Variants in GPR65 observed in about 807,000 individuals in gnomAD.
GPR65 encodes T-cell death-associated gene 8 protein.
GPR65 carries 2 observed loss-of-function variants against 0.7 expected under a neutral mutation model. That is an observed-to-expected ratio of 2.83 (90% CI 1.16 to 8.92). The LOEUF is 8.92. Ranked by LOEUF, GPR65 falls within the 30% of genes most tolerant of loss-of-function variation. GPR65 has a pLI of 0.04. For missense variants in GPR65, 379 were observed against 399.4 expected (o/e 0.95, Z 0.43); for synonymous variants, 128 against 146.5 (o/e 0.87, Z 0.91).
At position 88,010,578 on chromosome 14, in the gene GPR65, G is replaced by C. The variant is rs1377715242; in HGVS notation, c.-270G>C. On this transcript the variant is annotated 5_prime_UTR_variant, in exon 2 of 2. Coordinates refer to ENST00000267549, the MANE Select transcript of GPR65 (RefSeq NM_003608.4). ...AGCGTTCTGTGATAATGAACACATG[G>C]ACTTCTGTTTATTAAATTCAGTTGA... 5 of 376,364 alleles carry C rather than the reference G, an allele frequency of 1.3e-5. No homozygotes were observed. The highest frequency in any genetic ancestry group is 2.4e-5 in the Non-Finnish European group (5 of 207,094). The allele number at this position is 376,364 out of a possible 1,614,324, so 23.3% of individuals were successfully genotyped here. A position where few individuals can be genotyped will look rare whatever the true frequency, so the allele number is the denominator to read the frequency against.
intron 1 of GPR65, among the ~76,000 whole-genome samples, chr14:88,008,302 C>T (rs1271479777): frequency 6.6e-6 from 1 of 152,196 alleles, no homozygotes; most frequent in African/African-American, 2.4e-5. Context: ...AGAAGTCCTC[C>T]TCATGCCCTC....
chr14:88,007,861 C>A (rs765870324), intron 1 of GPR65, among the ~76,000 whole-genome samples: 3 of 150,826 alleles, frequency 2.0e-5, no homozygotes, highest in African/African-American at 4.9e-5. Context: ...CTGTAGGATT[C>A]TTTGAGGCCT....
In GPR65 at chr14:88,011,651, T is replaced by C; in HGVS notation, c.804T>C (p.Thr268=). Residue 268 remains threonine, a synonymous_variant, in exon 2 of 2, where the codon ACT becomes ACC. Transcript: ENST00000267549. ...FEDHSNSGKR[T]YTMYRITVAL... is the part of the protein sequence containing the mutation. Reference sequence around the variant, plus strand: ...ACCACAGCAATTCTGGGAAGCGAACTTACACAATGTATAGAATCACGGTTG... The same window carrying C: ...ACCACAGCAATTCTGGGAAGCGAACCTACACAATGTATAGAATCACGGTTG... The C allele has an allele frequency of 6.2e-7, 1 of 1,613,858 alleles. No individual in the cohort carries two copies. The highest frequency in any genetic ancestry group is 8.5e-7 in the Non-Finnish European group (1 of 1,179,762).
chr14:88,007,392 C>A (rs1013059691), intron 1 of GPR65, among the ~76,000 whole-genome samples: 1 of 151,894 alleles, frequency 6.6e-6, no homozygotes, highest in Non-Finnish European at 1.5e-5. Context: ...CCACCCTTTT[C>A]ACCTTTTCTC....
chr14:88,006,246 G>A (rs1287366503), intron 1 of GPR65, among the ~76,000 whole-genome samples: 3 of 152,112 alleles, frequency 2.0e-5, no homozygotes, highest in African/African-American at 7.2e-5. Context: ...AATATTACCA[G>A]CTAACGTACA....
At position 88,011,387 on chromosome 14, in the gene GPR65, A is replaced by G; in HGVS notation, c.540A>G (p.Gln180=). The change falls in exon 2 of 2, where the codon CAA becomes CAG. Residue 180 remains glutamine, a synonymous_variant. Transcript: ENST00000267549. The part of the protein sequence containing the change: ...CYDKYPLEKW[Q]INLNLFRTCT... ...ACAAATACCCTTTAGAGAAATGGCA[A>G]ATCAACCTCAACTTGTTCAGGACGT... 6.2e-7 allele frequency: 1 copy of G among 1,614,108 alleles called. No individual in the cohort carries two copies.
rs1276116220 is a variant in GPR65 at position 88,012,434 on chromosome 14, A to C, written c.*573A>C. 4 of 152,344 alleles carry C rather than the reference A, an allele frequency of 2.6e-5. No homozygotes were observed. The highest frequency in any genetic ancestry group is 9.6e-5 in the African/African-American group (4 of 41,574). The allele number at this position is 152,344 out of a possible 1,614,324, so 9.4% of individuals were successfully genotyped here. A position where few individuals can be genotyped will look rare whatever the true frequency, so the allele number is the denominator to read the frequency against. ...TTTTTGTATATTCACAGAGCTGTGC[A>C]ACCATCACCACACTCAAAAAATTTT... On this transcript the variant is annotated 3_prime_UTR_variant, in exon 2 of 2. Coordinates refer to ENST00000267549, the MANE Select transcript of GPR65 (RefSeq NM_003608.4).
rs1887684630 is a variant in GPR65 at position 88,011,707 on chromosome 14, C to A, written c.860C>A (p.Pro287Gln). The change falls in exon 2 of 2, where the codon CCA becomes CAA. Residue 287 changes from proline to glutamine, a missense_variant. Pro to Gln is a moderately conservative substitution (Grantham distance 76, BLOSUM62 -1). Coordinates refer to ENST00000267549, the MANE Select transcript of GPR65 (RefSeq NM_003608.4). ...ALTSLNCVAD[P>Q]ILYCFVTETG... ...ACAAGTTTAAATTGTGTTGCTGATC[C>A]AATTCTGTACTGTTTTGTAACCGAA... 1 of 1,613,716 alleles carries A rather than the reference C, an allele frequency of 6.2e-7. No homozygotes were observed. Among genetic ancestry groups the A allele is most frequent in the Non-Finnish European group, 8.5e-7 (1 of 1,179,732 alleles).
chr14:88,010,682 C>G lies in GPR65; in HGVS notation c.-166C>G. The G allele has an allele frequency of 1.7e-6, 1 of 586,616 alleles. No individual in the cohort carries two copies. The highest frequency in any genetic ancestry group is 4.5e-4 in the Middle Eastern group (1 of 2,224). 36.3% of individuals were successfully genotyped at this position (586,616 alleles called of 1,614,324 possible). A position where few individuals can be genotyped will look rare whatever the true frequency, so the allele number is the denominator to read the frequency against. ...TGTGTAAAAATTGATCTACATCCACCCTTTAAAAGCATTGATGAATTAATT... is the reference window on the plus strand; with the variant it reads ...TGTGTAAAAATTGATCTACATCCACGCTTTAAAAGCATTGATGAATTAATT... On this transcript the variant is annotated 5_prime_UTR_variant, in exon 2 of 2. Transcript: ENST00000267549.
intron 1 of GPR65, among the ~76,000 whole-genome samples, chr14:88,009,710 C>T (rs570911009): frequency 1.1e-4 from 17 of 152,248 alleles, no homozygotes; most frequent in Non-Finnish European, 1.3e-4. Context: ...AGACACTAAC[C>T]TCTTAAACCA....
intron 1 of GPR65, among the ~76,000 whole-genome samples, chr14:88,007,765 T>C (rs537789844): frequency 6.8e-6 from 1 of 147,202 alleles, no homozygotes; most frequent in Non-Finnish European, 1.5e-5. Flanking sequence ...ATCTGACACG[T>C]AGTTGCTTAT....
In GPR65 at chr14:88,012,984, C is replaced by T. The variant is rs1469274026; in HGVS notation, c.*1123C>T. The T allele has an allele frequency of 1.3e-5, 2 of 150,548 alleles. No homozygotes were observed. The highest frequency in any genetic ancestry group is 1.3e-4 in the Admixed American group (2 of 15,114). The allele number at this position is 150,548 out of a possible 1,614,324, so 9.3% of individuals were successfully genotyped here. ...AATTACCAGAAGTTTAATGCATAGA[C>T]AAATAAATAGTTCTATTATATCTTT... On this transcript the variant is annotated 3_prime_UTR_variant, in exon 2 of 2. Coordinates refer to ENST00000267549, the MANE Select transcript of GPR65 (RefSeq NM_003608.4).
chr14:88,010,778 C>A lies in GPR65; in HGVS notation c.-70C>A. On this transcript the variant is annotated 5_prime_UTR_variant, in exon 2 of 2. Coordinates refer to ENST00000267549, the MANE Select transcript of GPR65 (RefSeq NM_003608.4). Reference sequence around the variant, plus strand: ...AAGCGAATTCGATGTTCAAAACAAACTACAAAGAGACAAGACTTCTCTGTT... The same window carrying A: ...AAGCGAATTCGATGTTCAAAACAAAATACAAAGAGACAAGACTTCTCTGTT... 1 of 1,061,250 alleles carries A rather than the reference C, an allele frequency of 9.4e-7. No individual in the cohort carries two copies. The highest frequency in any genetic ancestry group is 1.4e-6 in the Non-Finnish European group (1 of 714,794). The allele number at this position is 1,061,250 out of a possible 1,614,324, so 65.7% of individuals were successfully genotyped here. A position where few individuals can be genotyped will look rare whatever the true frequency, so the allele number is the denominator to read the frequency against.
chr14:88,009,095 C>A (rs1887637160), intron 1 of GPR65, among the ~76,000 whole-genome samples: 1 of 152,140 alleles, frequency 6.6e-6, no homozygotes, highest in African/African-American at 2.4e-5. Context: ...TCCCTGACAG[C>A]AGAGGTTCTG....
At chr14:88,007,792 ATGTGTG>A (rs3994051) in intron 1 of GPR65, among the ~76,000 whole-genome samples, 1 of 136,162 alleles carries the variant, frequency 7.3e-6, no homozygotes, top group African/African-American at 2.8e-5. Flanking sequence ...CTCTGTGTGT[ATGTGTG>A]TGTGTGTGTG....
chr14:88,005,896 T>C (rs954987434), intron 1 of GPR65, among the ~76,000 whole-genome samples: 7 of 152,152 alleles, frequency 4.6e-5, no homozygotes, highest in Non-Finnish European at 1.0e-4. Context: ...TGGTAAAAAT[T>C]AAAAAATTAA....
Position 88,011,202 on chromosome 14 carries a change from C to A in GPR65, c.355C>A (p.Pro119Thr), listed in dbSNP as rs867394370. ...TGATCGGTATTTGGCTGTTGTCTACCCTTTGAAGTTTTTTTTCCTAAGGAC... is the reference window on the plus strand; with the variant it reads ...TGATCGGTATTTGGCTGTTGTCTACACTTTGAAGTTTTTTTTCCTAAGGAC... ...AVDRYLAVVY[P>T]LKFFFLRTRR... is the part of the protein sequence containing the mutation. The change falls in exon 2 of 2, where the codon CCT becomes ACT. Residue 119 changes from proline to threonine, a missense_variant. Physicochemically the swap from Pro to Thr is conservative, Grantham distance 38 (BLOSUM62 -1). Coordinates refer to ENST00000267549, the MANE Select transcript of GPR65 (RefSeq NM_003608.4). 1.2e-6 allele frequency: 2 copies of A among 1,613,720 alleles called. No individual in the cohort carries two copies. The highest frequency in any genetic ancestry group is 1.7e-6 in the Non-Finnish European group (2 of 1,179,906).
rs576388454 is a variant in GPR65, at chr14:88,008,644, C to T, written c.-459-1745C>T. On this transcript the variant is annotated intron_variant, in intron 1 of 1. Coordinates refer to ENST00000267549, the MANE Select transcript of GPR65 (RefSeq NM_003608.4). ...CTGTCTTTTGGTTAACATATGTATG[C>T]GTTTATGTTGAACAAATACCTAGAG... is the stretch of plus-strand genomic sequence containing the variant. Among the ~76,000 whole-genome samples the T allele has an allele frequency of 1.5e-4, 23 of 152,122 alleles. No homozygotes were observed. In the East Asian group the frequency reaches 3.9e-3, roughly 25 times the overall value.
In GPR65 at chr14:88,012,010, C is replaced by G. The variant is rs768397012; in HGVS notation, c.*149C>G. 12 of 601,006 alleles carry G rather than the reference C, an allele frequency of 2.0e-5. No individual in the cohort carries two copies. The highest frequency in any genetic ancestry group is 3.6e-5 in the Non-Finnish European group (12 of 336,494). The allele number at this position is 601,006 out of a possible 1,614,324, so 37.2% of individuals were successfully genotyped here. ...CCAGTCCAATAAAAATATCTTAAAA[C>G]TGCATTGTACAGCTCCCTCCCTGCG... On this transcript the variant is annotated 3_prime_UTR_variant, in exon 2 of 2. Transcript: ENST00000267549.
Sources: gnomAD v4.1 joint callset for allele counts (sites outside exome capture counted in the v4.1 genomes callset) on GRCh38, gnomAD v4.1.1 for gene constraint, MANE v1.5 for transcripts, NCBI Gene and HGNC (gene_info 2026-07-23, HGNC 2026-07-21) for gene names.